The following COL4A1 variants were observed in gnomAD, a reference collection of about 807,000 sequenced individuals.
COL4A1 encodes the protein collagen type IV alpha 1 chain, also known as collagen alpha-1(IV) chain.
Under a neutral mutation model 216.6 loss-of-function variants are expected in COL4A1, and 40 were observed. That is an observed-to-expected ratio of 0.18 (90% confidence interval 0.14 to 0.24). The LOEUF (loss-of-function observed/expected upper bound fraction) is 0.24. Ranked by LOEUF, COL4A1 falls within the 10% of genes least tolerant of loss-of-function variation. The pLI is 1.00. For synonymous variants in COL4A1, 839 were observed against 810.7 expected, an observed-to-expected ratio of 1.03 and a Z score of -0.59; for missense variants, 1,628 against 2,196.8, an observed-to-expected ratio of 0.74 and a Z score of 5.18.
Position 110,208,867 on chromosome 13 carries a change from T to C in COL4A1, c.675A>G (p.Gln225=). The C allele has an allele frequency of 6.2e-7, 1 of 1,614,178 alleles. No individual in the cohort carries two copies. The highest frequency in any genetic ancestry group is 8.5e-7 in the Non-Finnish European group (1 of 1,180,014). ...CACTCACCTTGTCACCTTTTGGTCC[T>C]TGAAAACTTAAGCCCATTTGTCCCT... ...GEKGQMGLSF[Q]GPKGDKGDQG... is the part of the protein sequence containing the mutation. Residue 225 remains glutamine, a synonymous_variant, in exon 12 of 52, where the codon CAA becomes CAG. Coordinates refer to ENST00000375820, the MANE Select transcript of COL4A1 (RefSeq NM_001845.6).
intron 2 of COL4A1, among the ~76,000 whole-genome samples, chr13:110,229,073 A>G (rs1385838432): frequency 2.0e-5 from 3 of 151,426 alleles, no homozygotes; most frequent in Admixed American, 1.3e-4. Context: ...ACATTGGCTC[A>G]ATACTGCAGA....
Position 110,170,487 on chromosome 13 carries a change from A to G in COL4A1, c.3742+60T>C, listed in dbSNP as rs550242206. ...AGAATTTAACTATTTCTTTTACGCT[A>G]TTTCCTTTTGTGAATTCTGTCCCAG... On this transcript the variant is annotated intron_variant, in intron 42 of 51. Transcript: ENST00000375820. 70 of 1,512,536 alleles carry G rather than the reference A, an allele frequency of 4.6e-5. 1 individual carries two copies. In the African/African-American group the frequency reaches 8.4e-4, roughly 18 times the overall value. 93.7% of individuals were successfully genotyped at this position (1,512,536 alleles called of 1,614,324 possible). A position where few individuals can be genotyped will look rare whatever the true frequency, so the allele number is the denominator to read the frequency against.
Position 110,207,745 on chromosome 13 carries a change from T to A in COL4A1, c.694-256A>T, listed in dbSNP as rs1879581421. ...CTAGCTCAGGAATAACCATGGAATC[T>A]GAACACCTGCAAGACACCTCCGGAC... On this transcript the variant is annotated intron_variant, in intron 12 of 51. Transcript: ENST00000375820. The surrounding 1 kb of genome is among the most constrained non-coding windows in gnomAD (Gnocchi z 4.4). 6.6e-6 allele frequency among the ~76,000 whole-genome samples: 1 copy of A among 152,194 alleles called. No homozygotes were observed. Among genetic ancestry groups the A allele is most frequent in the Admixed American group, 6.5e-5 (1 of 15,282 alleles).
At chr13:110,224,099 G>A (rs1049253728) in intron 2 of COL4A1, among the ~76,000 whole-genome samples, 3 of 152,170 alleles carry the variant, frequency 2.0e-5, no homozygotes, top group South Asian at 2.1e-4. Flanking sequence ...TCCAGCCATT[G>A]CAGGAATGAT....
chr13:110,176,113 G>A (rs962117659), intron 36 of COL4A1, among the ~76,000 whole-genome samples: 46 of 152,222 alleles, frequency 3.0e-4, no homozygotes, highest in Admixed American at 3.0e-3. Context: ...AGCCTGGATG[G>A]AGAAGCCGTC....
chr13:110,299,973 T>C (rs927152190), intron 1 of COL4A1, among the ~76,000 whole-genome samples: 2 of 152,244 alleles, frequency 1.3e-5, no homozygotes, highest in African/African-American at 4.8e-5. Context: ...TAAATGCCAC[T>C]GTGCTCAGAA....
At chr13:110,252,485 A>G (rs1882132176) in intron 1 of COL4A1, among the ~76,000 whole-genome samples, 1 of 52,706 alleles carries the variant, frequency 1.9e-5, no homozygotes, top group Non-Finnish European at 3.3e-5. Flanking sequence ...TATTATATAT[A>G]CGTATAATTA....
At chr13:110,169,496 T>TC (rs1566345756) in intron 43 of COL4A1, 133 bp downstream of exon 43, 34 of 1,109,550 alleles carry the variant, frequency 3.1e-5, no homozygotes, top group Non-Finnish European at 3.4e-5. Context: ...TGTGGGAGTG[T>TC]AACACACACA....
intron 47 of COL4A1, 50 bp from the exon 48 acceptor site, chr13:110,162,492 T>G (rs776665594): frequency 7.7e-7 from 1 of 1,297,964 alleles, no homozygotes; most frequent in Non-Finnish European, 1.1e-6. Flanking sequence ...CACGCTCCCC[T>G]AAAGGCTTTC....
chr13:110,181,994 T>C (rs9521637), intron 28 of COL4A1, among the ~76,000 whole-genome samples: 52,332 of 152,104 alleles, frequency 0.34, 9,080 homozygotes, highest in East Asian at 0.39. Context: ...AATCACATCT[T>C]CTGTGAGGCT....
chr13:110,236,959 G>C (rs535167714), intron 2 of COL4A1, among the ~76,000 whole-genome samples: 296 of 152,286 alleles, frequency 1.9e-3, no homozygotes, highest in African/African-American at 6.6e-3. Context: ...GTCACACACA[G>C]GGGCTCGCTG....
chr13:110,156,101 C>T (rs1876774194), intron 49 of COL4A1, among the ~76,000 whole-genome samples: 1 of 152,202 alleles, frequency 6.6e-6, no homozygotes, highest in Admixed American at 6.5e-5. Context: ...ATAGATCCAA[C>T]ACGAGTTATT....
intron 1 of COL4A1, among the ~76,000 whole-genome samples, chr13:110,261,745 G>T (rs1041663225): frequency 6.6e-6 from 1 of 152,218 alleles, no homozygotes; most frequent in Non-Finnish European, 1.5e-5. Context: ...GGGAAGCCGC[G>T]CAGGGGCAGG....
intron 1 of COL4A1, among the ~76,000 whole-genome samples, chr13:110,294,923 T>C (rs1884210733): frequency 6.6e-6 from 1 of 152,206 alleles, no homozygotes; most frequent in African/African-American, 2.4e-5. Flanking sequence ...ATATCATTCA[T>C]TTTATAGGAA....
intron 41 of COL4A1, among the ~76,000 whole-genome samples, chr13:110,171,901 G>T (rs1877659721): frequency 6.6e-6 from 1 of 152,228 alleles, no homozygotes; most frequent in African/African-American, 2.4e-5. Flanking sequence ...TCCCAAGGCA[G>T]CCCACCCGGC....
intron 1 of COL4A1, among the ~76,000 whole-genome samples, chr13:110,303,398 C>G (rs538429498): frequency 5.3e-5 from 8 of 152,056 alleles, no homozygotes; most frequent in Non-Finnish European, 1.2e-4. Flanking sequence ...CCCTGCCCTT[C>G]CAATTCTTTC....
In COL4A1 at chr13:110,289,396, C is replaced by A. The variant is rs142697264; in HGVS notation, c.84+17548G>T. On this transcript the variant is annotated intron_variant, in intron 1 of 51. Transcript: ENST00000375820. The stretch of plus-strand genomic sequence containing the variant: ...CTCTGGCTCCTCATCACCTTGCAAT[C>A]AACTCGTTCCTGTGAGGGGACAAGG... Among the ~76,000 whole-genome samples the A allele has an allele frequency of 2.3e-3, 343 of 152,276 alleles. 3 individuals are homozygous for A. The highest frequency in any genetic ancestry group is 0.014 in the South Asian group (67 of 4,828).
intron 1 of COL4A1, among the ~76,000 whole-genome samples, chr13:110,301,268 C>G (rs368432958): frequency 1.3e-5 from 2 of 152,226 alleles, no homozygotes; most frequent in Non-Finnish European, 1.5e-5. Flanking sequence ...AGAATGGCAG[C>G]TAGAAAATTG....
chr13:110,262,268 G>A (rs531699109), intron 1 of COL4A1, among the ~76,000 whole-genome samples: 6 of 152,216 alleles, frequency 3.9e-5, no homozygotes, highest in East Asian at 3.9e-4. Flanking sequence ...GCACCTGCCC[G>A]CCAGCAAGTG....
Sources: gnomAD v4.1 joint callset for allele counts (sites outside exome capture counted in the v4.1 genomes callset) on GRCh38, gnomAD v4.1.1 for gene constraint, Gnocchi (gnomAD v3.1) non-coding constraint, MANE v1.5 for transcripts, NCBI Gene and HGNC (gene_info 2026-07-23, HGNC 2026-07-21) for gene names.